Variants in TUT7 observed in about 807,000 individuals in gnomAD.
TUT7 encodes the protein terminal uridylyltransferase 7.
TUT7 carries 33 observed loss-of-function variants against 165.9 expected under a neutral mutation model. The observed-to-expected ratio is 0.20, with a 90% CI of 0.15 to 0.27. The LOEUF (loss-of-function observed/expected upper bound fraction) is 0.27. Ranked by LOEUF, TUT7 falls within the 10% of genes least tolerant of loss-of-function variation. The pLI, the probability that TUT7 is intolerant of heterozygous loss-of-function variation, is 1.00. For missense variants in TUT7, 1,338 were observed against 1,762.3 expected, an observed-to-expected ratio of 0.76 and a Z score of 4.31; for synonymous variants, 552 against 608.1, an observed-to-expected ratio of 0.91 and a Z score of 1.36.
At chr9:86,308,326 G>A (rs1387695173) in intron 22 of TUT7, 103 bp downstream of exon 22, 2 of 1,061,860 alleles carry the variant, frequency 1.9e-6, no homozygotes, top group South Asian at 1.8e-5. Context: ...CTGGGGCACT[G>A]CACACCCCAA....
intron 9 of TUT7, among the ~76,000 whole-genome samples, chr9:86,337,999 T>C (rs1830977588): frequency 6.6e-6 from 1 of 152,050 alleles, no homozygotes; most frequent in South Asian, 2.1e-4. Flanking sequence ...TCACCACTAA[T>C]GGAAATAACA....
Position 86,288,641 on chromosome 9 carries a change from C to T in TUT7, c.*36G>A, listed in dbSNP as rs866470570. On this transcript the variant is annotated 3_prime_UTR_variant, in exon 27 of 27. Transcript: ENST00000375963. ...TAATTTTCCGAGTGAATAGGAACGC[C>T]TGAGTGGCCATTTAGAGTGCTGCAT... 6.4e-7 allele frequency: 1 copy of T among 1,569,132 alleles called. No homozygotes were observed. The highest frequency in any genetic ancestry group is 1.7e-4 in the Middle Eastern group (1 of 5,968).
chr9:86,314,166 C>G (rs1828495439), intron 17 of TUT7, among the ~76,000 whole-genome samples: 1 of 152,154 alleles, frequency 6.6e-6, no homozygotes. Context: ...AGTCTGATTC[C>G]AGAACCTCCA....
In TUT7 at chr9:86,323,324, T is replaced by G. The variant is rs1309378638; in HGVS notation, c.2426A>C (p.Lys809Thr). Residue 809 changes from lysine (K) to threonine (T), a missense_variant, in exon 13 of 27, where the codon AAG (lysine) becomes ACG (threonine). By Grantham distance (78) the Lys-to-Thr change is moderately conservative (BLOSUM62 -1). Transcript: ENST00000375963. ...ECEGLATLDN[K>T]ADLDGESTEG... ...TGTACTTTCTCCATCAAGATCAGCC[T>G]TGTTATCTAAAGTGGCAAGTCCCTC... 2 of 1,614,166 alleles carry G rather than the reference T, an allele frequency of 1.2e-6. No homozygotes were observed. Among genetic ancestry groups the G allele is most frequent in the Admixed American group, 3.3e-5 (2 of 60,018 alleles).
chr9:86,335,959 A>T (rs1436395569), intron 10 of TUT7, among the ~76,000 whole-genome samples: 1 of 152,190 alleles, frequency 6.6e-6, no homozygotes, highest in Non-Finnish European at 1.5e-5. Context: ...ACAAGGAAAT[A>T]ATATGCTGGC....
chr9:86,308,995 T>C (rs1827777011), intron 21 of TUT7, among the ~76,000 whole-genome samples: 1 of 152,190 alleles, frequency 6.6e-6, no homozygotes, highest in South Asian at 2.1e-4. Flanking sequence ...TTGGAATTAT[T>C]AGGCATTAAA....
Position 86,353,203 on chromosome 9 carries a change from CTT to C in TUT7, c.-6_-5del. 1 of 1,550,638 alleles carries C rather than the reference CTT, an allele frequency of 6.4e-7. No individual in the cohort carries two copies. On this transcript the variant is annotated 5_prime_UTR_variant, in exon 2 of 27. Transcript: ENST00000375963. ...AAGGTTTTGCTGTATCTCCCATGGT[CTT>C]TGACTTCAATTTTCTTACTTTGCAC...
At chr9:86,326,557 GCT>G (rs1829813141) in intron 11 of TUT7, 1 of 154,588 alleles carries the variant, frequency 6.5e-6, no homozygotes, top group Non-Finnish European at 1.5e-5. Flanking sequence ...AGACTTGGTT[GCT>G]CTCTGTATTT....
intron 10 of TUT7, among the ~76,000 whole-genome samples, chr9:86,331,700 A>T (rs1011193724): frequency 3.9e-5 from 6 of 152,150 alleles, no homozygotes; most frequent in African/African-American, 4.8e-5. Context: ...CTTTTAACCT[A>T]TATGTCTTTA....
rs1177013629 is a variant in TUT7, at chr9:86,346,464, C to A, written c.537G>T (p.Arg179Ser). The A allele has an allele frequency of 1.9e-6, 3 of 1,611,164 alleles. No homozygotes were observed. The highest frequency in any genetic ancestry group is 1.3e-5 in the African/African-American group (1 of 74,682). ...TCTTCCGTGGCTTCCTAGGTCTGGA[C>A]CTCTGCTTCTTGTTTTCTTAAGGTG... is the stretch of plus-strand genomic sequence containing the variant. ...EAGSPENKKQ[R>S]SRPRKPRKTR... The change falls in exon 3 of 27, where the codon AGG becomes AGT. Residue 179 changes from arginine to serine, a missense_variant. Around this residue, in one of 7 missense-constraint regions of TUT7, gnomAD observed 434 missense variants for 480.8 expected, o/e 0.90. Transcript: ENST00000375963.
chr9:86,344,618 G>A (rs1831596991), intron 5 of TUT7, among the ~76,000 whole-genome samples: 1 of 143,082 alleles, frequency 7.0e-6, no homozygotes, highest in Non-Finnish European at 1.5e-5. Flanking sequence ...TGAATAACCT[G>A]AAAATAACTT....
chr9:86,332,480 G>C (rs572527850), intron 10 of TUT7, among the ~76,000 whole-genome samples: 4 of 152,234 alleles, frequency 2.6e-5, no homozygotes, highest in African/African-American at 9.6e-5. Context: ...TCACTTATAG[G>C]TGGGAGCTAA....
chr9:86,312,021 C>T (rs1472253563), intron 17 of TUT7, among the ~76,000 whole-genome samples: 1 of 152,202 alleles, frequency 6.6e-6, no homozygotes, highest in East Asian at 1.9e-4. Context: ...GCTGAGATTG[C>T]AGCCTCTGCC....
intron 26 of TUT7, among the ~76,000 whole-genome samples, chr9:86,297,921 C>CTTTTTTTTTTTT (rs59651352): frequency 0.045 from 3,891 of 86,308 alleles, 927 homozygotes; most frequent in African/African-American, 0.19. Flanking sequence ...GCCTGCTCCA[C>CTTTTTTTTTTTT]TTTTTTTTTT....
intron 26 of TUT7, among the ~76,000 whole-genome samples, chr9:86,300,866 T>C (rs1432649146): frequency 6.6e-6 from 1 of 152,240 alleles, no homozygotes; most frequent in Non-Finnish European, 1.5e-5. Context: ...TGTGTGTGGC[T>C]CACCTGTGCA....
In TUT7 at chr9:86,303,189, C is replaced by CA; in HGVS notation, c.3990dup (p.Asp1331Ter). 2 of 1,586,714 alleles carry CA rather than the reference C, an allele frequency of 1.3e-6. No homozygotes were observed. The highest frequency in any genetic ancestry group is 1.8e-5 in the Admixed American group (1 of 55,602). ...TCTCCTTCAGTTAACACATCTGGAT[C>CA]AAAAAAGTATTCCTAGAAGAACATA... On this transcript the variant is annotated frameshift_variant, in exon 25 of 27. Transcript: ENST00000375963. LOFTEE classifies it high-confidence loss of function.
chr9:86,313,160 AT>A (rs1828379228), intron 17 of TUT7, among the ~76,000 whole-genome samples: 2 of 151,536 alleles, frequency 1.3e-5, no homozygotes, highest in African/African-American at 4.8e-5. Flanking sequence ...AAATAAATAA[AT>A]AAATAAAAAG....
chr9:86,334,864 T>A (rs1830634486), intron 10 of TUT7, among the ~76,000 whole-genome samples: 1 of 152,170 alleles, frequency 6.6e-6, no homozygotes, highest in South Asian at 2.1e-4. Flanking sequence ...AAATCAGAGT[T>A]GCCTTTAGGG....
intron 11 of TUT7, among the ~76,000 whole-genome samples, chr9:86,327,700 T>G (rs1829919318): frequency 6.6e-6 from 1 of 152,190 alleles, no homozygotes; most frequent in African/African-American, 2.4e-5. Flanking sequence ...CACCACTAAC[T>G]CCTCATTTTA....
Sources: allele counts gnomAD v4.1 joint callset (sites outside exome capture counted in the v4.1 genomes callset), GRCh38; gene constraint gnomAD v4.1.1; regional missense constraint gnomAD v4.1.1; transcripts MANE v1.5; gene names NCBI Gene and HGNC (gene_info 2026-07-23, HGNC 2026-07-21).